The following ERBB2 variants were observed in gnomAD, a reference collection of about 807,000 sequenced individuals.
ERBB2 encodes receptor tyrosine-protein kinase erbB-2.
Under a neutral mutation model 149.0 loss-of-function variants are expected in ERBB2, and 61 were observed. The ratio of observed to expected loss-of-function variants is 0.41; its 90% confidence interval spans 0.33 to 0.51. The LOEUF is 0.51. Among genes scored for constraint, ERBB2 ranks in the 20% least tolerant of loss-of-function variants. The probability of loss-of-function intolerance (pLI) is 0.25; values close to 1 mark genes in which losing one functional copy is unlikely to be tolerated. For synonymous variants in ERBB2, 633 were observed against 678.8 expected (o/e 0.93, Z 1.05); for missense variants, 1,205 against 1,655.1 (o/e 0.73, Z 4.72).
At chr17:39,716,139 C>A in intron 12 of ERBB2, 162 bp from the exon 13 acceptor site, 1 of 984,032 alleles carries the variant, frequency 1.0e-6, no homozygotes, top group South Asian at 1.7e-5. Flanking sequence ...ATCCTTCCCT[C>A]CCCCTCTGTT....
At chr17:39,701,851 T>C (rs911749423) in intron 1 of ERBB2, among the ~76,000 whole-genome samples, 2 of 152,072 alleles carry the variant, frequency 1.3e-5, no homozygotes, top group Non-Finnish European at 2.9e-5. Flanking sequence ...TTCCAGGGAG[T>C]ACATCCTTGC....
At chr17:39,695,940 G>C (rs2057854353), upstream of ERBB2, among the ~76,000 whole-genome samples, 1 of 152,042 alleles carries the variant, frequency 6.6e-6, no homozygotes, top group Non-Finnish European at 1.5e-5. Context: ...CAAAACACAC[G>C]CATCTGCCCT....
rs373834196 is a variant in ERBB2, at chr17:39,717,515, C to T, written c.1898+35C>T. The T allele has an allele frequency of 9.0e-6, 14 of 1,562,764 alleles. No individual in the cohort carries two copies. In the African/African-American group the frequency reaches 1.8e-4, roughly 20 times the overall value. ...ACGGTCTTTTCTGCAGAAAGGAGGACTTTCCTTTCAGGGGTCTTTCTGGGG... is the reference window on the plus strand; with the variant it reads ...ACGGTCTTTTCTGCAGAAAGGAGGATTTTCCTTTCAGGGGTCTTTCTGGGG... On this transcript the variant is annotated intron_variant, in intron 15 of 26. Coordinates refer to ENST00000269571, the MANE Select transcript of ERBB2 (RefSeq NM_004448.4).
rs1407305061 is a variant in ERBB2 at position 39,726,917 on chromosome 17, G to A, written c.3073G>A (p.Val1025Ile). 1 of 1,613,860 alleles carries A rather than the reference G, an allele frequency of 6.2e-7. No homozygotes were observed. The highest frequency in any genetic ancestry group is 1.1e-5 in the South Asian group (1 of 91,080). The change falls in exon 25 of 27, where the codon GTA becomes ATA. Residue 1025 changes from valine to isoleucine, a missense_variant. Physicochemically the swap from Val to Ile is conservative, Grantham distance 29. Transcript: ENST00000269571. This position sits in a 1 kb window ranked among gnomAD's most constrained non-coding sequence, Gnocchi z 5.1. ...CCTGGTGGATGCTGAGGAGTATCTG[G>A]TACCCCAGCAGGGCTTCTTCTGTCC... ...GDLVDAEEYL[V>I]PQQGFFCPDP...
upstream of ERBB2, among the ~76,000 whole-genome samples, chr17:39,690,310 T>G (rs2057667694): frequency 6.6e-6 from 1 of 152,204 alleles, no homozygotes; most frequent in African/African-American, 2.4e-5. Context: ...GGTCTCCAAT[T>G]CCTGGGCTCG....
intron 16 of ERBB2, among the ~76,000 whole-genome samples, chr17:39,721,356 C>T (rs2059443658): frequency 6.6e-6 from 1 of 151,428 alleles, no homozygotes; most frequent in Non-Finnish European, 1.5e-5. Flanking sequence ...ACCTCTGCCT[C>T]CCAGGTTCAA....
upstream of ERBB2, among the ~76,000 whole-genome samples, chr17:39,691,776 A>C (rs920678149): frequency 6.7e-6 from 1 of 148,928 alleles, no homozygotes; most frequent in Non-Finnish European, 1.5e-5. Context: ...GAATTATATT[A>C]ATGGAGGGAG....
intron 2 of ERBB2, 178 bp from the exon 3 acceptor site, chr17:39,708,143 T>A (rs1459664615): frequency 1.4e-5 from 8 of 552,914 alleles, no homozygotes; most frequent in Non-Finnish European, 2.6e-5. Flanking sequence ...TATAAGAATC[T>A]GGTGAGGCAA....
chr17:39,727,046 C>A lies in ERBB2; in HGVS notation c.3159+43C>A, dbSNP rs2143197563. Reference sequence around the variant, plus strand: ...CACTGTGTGGCTGTCTGCTTACCTCCCCCAACCCCGGTGGACTAGGGTCCC... The same window carrying A: ...CACTGTGTGGCTGTCTGCTTACCTCACCCAACCCCGGTGGACTAGGGTCCC... On this transcript the variant is annotated intron_variant, in intron 25 of 26. Coordinates refer to ENST00000269571, the MANE Select transcript of ERBB2 (RefSeq NM_004448.4). The surrounding 1 kb of genome is among the most constrained non-coding windows in gnomAD (Gnocchi z 4.3). 1 of 1,507,398 alleles carries A rather than the reference C, an allele frequency of 6.6e-7. No individual in the cohort carries two copies. Among genetic ancestry groups the A allele is most frequent in the Admixed American group, 2.1e-5 (1 of 48,390 alleles). The allele number at this position is 1,507,398 out of a possible 1,614,324, so 93.4% of individuals were successfully genotyped here. A position where few individuals can be genotyped will look rare whatever the true frequency, so the allele number is the denominator to read the frequency against.
Position 39,710,354 on chromosome 17 carries a change from C to A in ERBB2, c.774C>A (p.Phe258Leu), listed in dbSNP as rs2145517805. Residue 258 changes from phenylalanine (F) to leucine (L), a missense_variant, in exon 7 of 27, where the codon TTC becomes TTA. By Grantham distance (22) the Phe-to-Leu change is conservative. This residue lies in a region of ERBB2 where 569 missense variants were observed against 803.5 expected (regional missense o/e 0.71). Coordinates refer to ENST00000269571, the MANE Select transcript of ERBB2 (RefSeq NM_004448.4). Reference sequence around the variant, plus strand: ...TGTCCCCCCAGGCCTGCCTCCACTTCAACCACAGTGGCATCTGTGAGCTGC... The same window carrying A: ...TGTCCCCCCAGGCCTGCCTCCACTTAAACCACAGTGGCATCTGTGAGCTGC... ...KHSDCLACLH[F>L]NHSGICELHC... 4 of 1,614,216 alleles carry A rather than the reference C, an allele frequency of 2.5e-6. No individual in the cohort carries two copies. The highest frequency in any genetic ancestry group is 3.4e-6 in the Non-Finnish European group (4 of 1,180,038).
chr17:39,707,076 C>G lies in ERBB2; in HGVS notation c.160C>G (p.Gln54Glu), dbSNP rs2145408128. 1 of 1,607,002 alleles carries G rather than the reference C, an allele frequency of 6.2e-7. No individual in the cohort carries two copies. The highest frequency in any genetic ancestry group is 8.5e-7 in the Non-Finnish European group (1 of 1,176,886). The change falls in exon 2 of 27, where the codon CAG becomes GAG. Residue 54 changes from glutamine (Q) to glutamate (E), a missense_variant. By Grantham distance (29) the Gln-to-Glu change is conservative. Transcript: ENST00000269571. ...GCTCCGCCACCTCTACCAGGGCTGC[C>G]AGGTGGTGCAGGGAAACCTGGAACT... ...DMLRHLYQGC[Q>E]VVQGNLELTY...
upstream of ERBB2, among the ~76,000 whole-genome samples, chr17:39,693,038 G>A (rs2057748407): frequency 6.6e-6 from 1 of 152,066 alleles, no homozygotes; most frequent in Non-Finnish European, 1.5e-5. Context: ...CTCCAGCCTG[G>A]GCAACAGAGC....
chr17:39,726,766 C>A lies in ERBB2; in HGVS notation c.2971-49C>A. ...ATGCCAGGCCCCTCACGGAAGGCTGCATGCTGGGCTGGGGAGGGGCCACCA... is the reference window on the plus strand; with the variant it reads ...ATGCCAGGCCCCTCACGGAAGGCTGAATGCTGGGCTGGGGAGGGGCCACCA... On this transcript the variant is annotated intron_variant, in intron 24 of 26. Transcript: ENST00000269571. This position sits in a 1 kb window ranked among gnomAD's most constrained non-coding sequence, Gnocchi z 5.1. The A allele has an allele frequency of 6.3e-7, 1 of 1,594,208 alleles. No homozygotes were observed.
chr17:39,719,990 G>A, intron 16 of ERBB2, 156 bp downstream of exon 16: 1 of 714,562 alleles, frequency 1.4e-6, no homozygotes, highest in Non-Finnish European at 2.5e-6. Context: ...TTCACCAAGT[G>A]ACAGAGGACC....
upstream of ERBB2, among the ~76,000 whole-genome samples, chr17:39,692,335 A>G (rs1287780716): frequency 6.6e-6 from 1 of 152,164 alleles, no homozygotes; most frequent in East Asian, 1.9e-4. Flanking sequence ...ATAAAAAAGA[A>G]AGTGGAAATA....
In ERBB2 at chr17:39,723,896, T is replaced by G; in HGVS notation, c.2209-16T>G. ...GCCCACGCTCTTCTCACTCATATCC[T>G]CCTCTTTCTGCCCAGGGCATCTGGA... On this transcript the variant is annotated splice_polypyrimidine_tract_variant and intron_variant, in intron 18 of 26. Coordinates refer to ENST00000269571, the MANE Select transcript of ERBB2 (RefSeq NM_004448.4). The surrounding 1 kb of genome is among the most constrained non-coding windows in gnomAD (Gnocchi z 6.2). The G allele has an allele frequency of 1.9e-6, 3 of 1,606,782 alleles. No homozygotes were observed. Among genetic ancestry groups the G allele is most frequent in the Non-Finnish European group, 2.6e-6 (3 of 1,173,428 alleles).
Position 39,728,061 on chromosome 17 carries a change from C to A in ERBB2, c.*17C>A, listed in dbSNP as rs369214536. 1 of 1,535,512 alleles carries A rather than the reference C, an allele frequency of 6.5e-7. No individual in the cohort carries two copies. On this transcript the variant is annotated 3_prime_UTR_variant, in exon 27 of 27. Coordinates refer to ENST00000269571, the MANE Select transcript of ERBB2 (RefSeq NM_004448.4). ...CCAGTGTGAACCAGAAGGCCAAGTC[C>A]GCAGAAGCCCTGATGTGTCCTCAGG... is the stretch of plus-strand genomic sequence containing the variant.
chr17:39,716,224 C>G (rs1305565828), intron 12 of ERBB2, 77 bp from the exon 13 acceptor site: 2 of 1,472,700 alleles, frequency 1.4e-6, no homozygotes, highest in East Asian at 4.9e-5. Context: ...CAGCCATGCC[C>G]ACAGCCAGTT....
intron 1 of ERBB2, 131 bp downstream of exon 1, chr17:39,700,442 G>A: frequency 1.3e-6 from 1 of 752,744 alleles, no homozygotes; most frequent in Non-Finnish European, 1.8e-6. Flanking sequence ...GTGGACAGTC[G>A]AGACGCTCAG....
Sources: gnomAD v4.1 joint callset for allele counts (sites outside exome capture counted in the v4.1 genomes callset) on GRCh38, gnomAD v4.1.1 for gene constraint, gnomAD v4.1.1 regional missense constraint, Gnocchi (gnomAD v3.1) non-coding constraint, MANE v1.5 for transcripts, NCBI Gene and HGNC (gene_info 2026-07-23, HGNC 2026-07-21) for gene names.